Variants in KMT5A observed in about 807,000 individuals in gnomAD.
The protein encoded by KMT5A is lysine methyltransferase 5A.
In KMT5A, 6 loss-of-function variants were observed where a neutral mutation model predicts 40.6. The observed-to-expected ratio is 0.15, with a 90% CI of 0.08 to 0.29. KMT5A has a LOEUF of 0.29. Among genes scored for constraint, KMT5A ranks in the 10% least tolerant of loss-of-function variants. The pLI, the probability that KMT5A is intolerant of heterozygous loss-of-function variation, is 1.00. For missense variants in KMT5A, 308 were observed against 459.1 expected (o/e 0.67, Z 3.01); for synonymous variants, 153 against 178.8 (o/e 0.86, Z 1.15).
At chr12:123,404,431 A>C (rs1878387738) in intron 6 of KMT5A, among the ~76,000 whole-genome samples, 1 of 152,180 alleles carries the variant, frequency 6.6e-6, no homozygotes, top group South Asian at 2.1e-4. Flanking sequence ...GAGACCCAGA[A>C]CACTGGGCCT....
At chr12:123,398,494 C>T (rs1027688999) in intron 5 of KMT5A, among the ~76,000 whole-genome samples, 3 of 152,138 alleles carry the variant, frequency 2.0e-5, no homozygotes, top group Non-Finnish European at 2.9e-5. Flanking sequence ...GTGAAGGCTG[C>T]GATGGGACAG....
Position 123,384,301 on chromosome 12 carries a change from C to A in KMT5A, c.10+93C>A. 6.5e-7 allele frequency: 1 copy of A among 1,549,310 alleles called. No homozygotes were observed. The highest frequency in any genetic ancestry group is 2.3e-5 in the East Asian group (1 of 42,940). ...GGAGGCAGCGGCTGCGGGGAGGCGT[C>A]CTCCTCGGGTGGCTCGGGGCAAGCT... On this transcript the variant is annotated intron_variant, in intron 1 of 7. Transcript: ENST00000402868. The surrounding 1 kb of genome is among the most constrained non-coding windows in gnomAD (Gnocchi z 5.7).
At position 123,407,734 on chromosome 12, in the gene KMT5A, T is replaced by C. The variant is rs775122434; in HGVS notation, c.*31T>C. 2.5e-6 allele frequency: 4 copies of C among 1,571,242 alleles called. No homozygotes were observed. In the African/African-American group the frequency reaches 5.4e-5, roughly 21 times the overall value. ...GGGCCCCGTGCCCTCCCCGCCCCAC[T>C]TTCCCTTCTTCAAAGGACAAAGTGC... On this transcript the variant is annotated 3_prime_UTR_variant, in exon 8 of 8. Transcript: ENST00000402868.
At chr12:123,390,599 C>G (rs200055909) in intron 2 of KMT5A, 31 bp from the exon 3 acceptor site, 1 of 1,609,356 alleles carries the variant, frequency 6.2e-7, no homozygotes, top group East Asian at 2.2e-5. Flanking sequence ...CTTCTTCAAG[C>G]CTCTTTCAGA....
chr12:123,396,972 A>G (rs1003362348), intron 5 of KMT5A, among the ~76,000 whole-genome samples: 1 of 152,186 alleles, frequency 6.6e-6, no homozygotes, highest in African/African-American at 2.4e-5. Context: ...GTGAGCATTC[A>G]ATAAATGTGG....
intron 5 of KMT5A, among the ~76,000 whole-genome samples, chr12:123,401,144 CTTTTTTTTT>C (rs58431238): frequency 1.3e-4 from 10 of 75,678 alleles, no homozygotes; most frequent in African/African-American, 5.3e-4. Context: ...ATATATCTTT[CTTTTTTTTT>C]TTTTTTTTTT....
chr12:123,395,325 G>C lies in KMT5A; in HGVS notation c.509+59G>C, dbSNP rs1877632660. The C allele has an allele frequency of 5.2e-6, 8 of 1,548,576 alleles. No individual in the cohort carries two copies. The South Asian group carries it at 8.2e-5, about 16-fold the overall frequency. On this transcript the variant is annotated intron_variant, in intron 4 of 7. Coordinates refer to ENST00000402868, the MANE Select transcript of KMT5A (RefSeq NM_020382.7). ...GAGCAGTTTGGTTCCTCTGATGCCAGGGAAGCCTGCTCAGGTGCCCATGGG... is the reference window on the plus strand; with the variant it reads ...GAGCAGTTTGGTTCCTCTGATGCCACGGAAGCCTGCTCAGGTGCCCATGGG...
chr12:123,391,786 A>G (rs1284977774), intron 3 of KMT5A, among the ~76,000 whole-genome samples: 1 of 152,222 alleles, frequency 6.6e-6, no homozygotes, highest in Non-Finnish European at 1.5e-5. Context: ...CAGCAGCTCC[A>G]TACAAGGAAG....
At chr12:123,394,104 C>CT (rs397711320) in intron 3 of KMT5A, among the ~76,000 whole-genome samples, 108,407 of 125,082 alleles carry the variant, frequency 0.87, 47,426 homozygotes, top group Middle Eastern at 0.89. Context: ...ATTTTTTTTT[C>CT]TTTTTTTTTT....
intron 5 of KMT5A, among the ~76,000 whole-genome samples, chr12:123,397,979 G>A (rs2139185797): frequency 6.6e-6 from 1 of 151,268 alleles, no homozygotes; most frequent in East Asian, 2.0e-4. Context: ...GGCCTGCTAG[G>A]TCACTCTTAA....
chr12:123,396,282 G>A, intron 4 of KMT5A, 63 bp from the exon 5 acceptor site: 1 of 1,498,322 alleles, frequency 6.7e-7, no homozygotes, highest in Non-Finnish European at 9.3e-7. Context: ...GCCTTCTAAG[G>A]AGCTGTGTGC....
intron 5 of KMT5A, among the ~76,000 whole-genome samples, chr12:123,398,646 G>T (rs1286863471): frequency 6.6e-6 from 1 of 152,244 alleles, no homozygotes; most frequent in East Asian, 1.9e-4. Context: ...GTTTGTGTTG[G>T]CTCTGCTGAG....
At chr12:123,385,814 C>T (rs915454953) in intron 1 of KMT5A, among the ~76,000 whole-genome samples, 3 of 152,002 alleles carry the variant, frequency 2.0e-5, no homozygotes, top group Admixed American at 6.6e-5. Flanking sequence ...ATTACGTCAC[C>T]GCACTCCAGC....
At chr12:123,392,657 C>G (rs934418062) in intron 3 of KMT5A, among the ~76,000 whole-genome samples, 8 of 152,048 alleles carry the variant, frequency 5.3e-5, no homozygotes, top group African/African-American at 1.7e-4. Flanking sequence ...GAGAGAAACC[C>G]CATCTCTAAT....
Position 123,389,453 on chromosome 12 carries a change from C to A in KMT5A, c.31C>A (p.Arg11Ser). 1 of 1,098,980 alleles carries A rather than the reference C, an allele frequency of 9.1e-7. No individual in the cohort carries two copies. The highest frequency in any genetic ancestry group is 1.1e-6 in the Non-Finnish European group (1 of 908,614). 68.1% of individuals were successfully genotyped at this position (1,098,980 alleles called of 1,614,324 possible). A position where few individuals can be genotyped will look rare whatever the true frequency, so the allele number is the denominator to read the frequency against. The change falls in exon 2 of 8, where the codon CGC (arginine) becomes AGC (serine). Residue 11 changes from arginine (R) to serine (S), a missense_variant. Coordinates refer to ENST00000402868, the MANE Select transcript of KMT5A (RefSeq NM_020382.7). ...TCCAGGCAGGAAGATGTCCAAGCCC[C>A]GCGCGGTGGAGGCGGCGGCGGCGGC... MARGRKMSKP[R>S]AVEAAAAAAA...
chr12:123,389,850 C>T (rs1395602574), intron 2 of KMT5A, among the ~76,000 whole-genome samples: 1 of 152,082 alleles, frequency 6.6e-6, no homozygotes, highest in Non-Finnish European at 1.5e-5. Flanking sequence ...TCACGGGTCT[C>T]ACCGCCTCGG....
intron 1 of KMT5A, among the ~76,000 whole-genome samples, chr12:123,387,048 GGTTTCGCCAT>G (rs1485137093): frequency 6.6e-6 from 1 of 152,014 alleles, no homozygotes; most frequent in African/African-American, 2.4e-5. Context: ...GTAGAGACGG[GGTTTCGCCAT>G]GTTGGCCAGG....
chr12:123,403,037 TA>T (rs1327817206), intron 5 of KMT5A, among the ~76,000 whole-genome samples: 1 of 152,122 alleles, frequency 6.6e-6, no homozygotes, highest in Non-Finnish European at 1.5e-5. Context: ...GCCTCCCGAG[TA>T]GCTGGGACTA....
At position 123,408,504 on chromosome 12, in the gene KMT5A, TAAA is replaced by T. The variant is rs138065510; in HGVS notation, c.*807_*809del. On this transcript the variant is annotated 3_prime_UTR_variant, in exon 8 of 8. Coordinates refer to ENST00000402868, the MANE Select transcript of KMT5A (RefSeq NM_020382.7). ...AATAAAAATTTAAAAAAATTAAAAA[TAAA>T]AAAAACCACAGAAAACAACTTTACA... 1.5e-5 allele frequency: 2 copies of T among 132,040 alleles called. No individual in the cohort carries two copies. Among genetic ancestry groups the T allele is most frequent in the African/African-American group, 5.5e-5 (2 of 36,688 alleles). 8.2% of individuals were successfully genotyped at this position (132,040 alleles called of 1,614,324 possible).
Sources: allele counts gnomAD v4.1 joint callset (sites outside exome capture counted in the v4.1 genomes callset), GRCh38; gene constraint gnomAD v4.1.1; non-coding constraint Gnocchi (gnomAD v3.1); transcripts MANE v1.5; gene names NCBI Gene and HGNC (gene_info 2026-07-23, HGNC 2026-07-21).